EPHA6: variants seen among roughly 807,000 people sequenced by gnomAD.
EPHA6 encodes the protein ephrin type-A receptor 6.
In EPHA6, 50 loss-of-function variants were observed where a neutral mutation model predicts 112.0. That is an observed-to-expected ratio of 0.45 (90% CI 0.36 to 0.56). The LOEUF (loss-of-function observed/expected upper bound fraction) is 0.56, where lower values mean the gene tolerates loss of function less well. EPHA6 is among the 20% of genes least tolerant of loss of function. The pLI, the probability that EPHA6 is intolerant of heterozygous loss-of-function variation, is 0.00. For missense variants in EPHA6, 1,280 were observed against 1,417.4 expected, an observed-to-expected ratio of 0.90 and a Z score of 1.56; for synonymous variants, 529 against 490.7, an observed-to-expected ratio of 1.08 and a Z score of -1.03.
intron 10 of EPHA6, among the ~76,000 whole-genome samples, chr3:97,529,746 A>G (rs1238777415): frequency 2.0e-5 from 3 of 152,068 alleles, no homozygotes; most frequent in Non-Finnish European, 4.4e-5. Flanking sequence ...GAACACACTA[A>G]GAGTCTCAGA....
intron 5 of EPHA6, among the ~76,000 whole-genome samples, chr3:97,351,466 C>T (rs2083812199): frequency 6.6e-6 from 1 of 152,156 alleles, no homozygotes; most frequent in Non-Finnish European, 1.5e-5. Flanking sequence ...GGATATATTT[C>T]AACTTTTGTC....
chr3:97,704,755 ACT>A (rs750689209), intron 14 of EPHA6, among the ~76,000 whole-genome samples: 1 of 151,936 alleles, frequency 6.6e-6, no homozygotes. Context: ...ACTAACTTTG[ACT>A]CTCTATTTAG....
intron 3 of EPHA6, among the ~76,000 whole-genome samples, chr3:97,198,889 C>T (rs1343419899): frequency 2.0e-5 from 3 of 152,048 alleles, no homozygotes; most frequent in Admixed American, 1.3e-4. Flanking sequence ...TATATAATTG[C>T]CTTCCATGAT....
chr3:96,897,382 A>G (rs1166206262), intron 2 of EPHA6, among the ~76,000 whole-genome samples: 2 of 152,310 alleles, frequency 1.3e-5, no homozygotes, highest in African/African-American at 2.4e-5. Context: ...ACACCTGACC[A>G]TAGTGGATAA....
chr3:97,033,903 G>C (rs914120665), intron 3 of EPHA6, among the ~76,000 whole-genome samples: 2 of 151,846 alleles, frequency 1.3e-5, no homozygotes, highest in African/African-American at 4.8e-5. Context: ...ACATCAGGCC[G>C]TTGTGGTTTT....
chr3:97,315,206 T>C (rs1217219471), intron 5 of EPHA6, among the ~76,000 whole-genome samples: 8 of 151,662 alleles, frequency 5.3e-5, no homozygotes, highest in African/African-American at 1.9e-4. Context: ...TAGGTTGCCA[T>C]CTAAGAAACT....
intron 5 of EPHA6, among the ~76,000 whole-genome samples, chr3:97,354,402 C>G (rs1040629777): frequency 6.6e-6 from 1 of 151,956 alleles, no homozygotes; most frequent in East Asian, 1.9e-4. Context: ...AATTCAAAAT[C>G]CTGTGAGATG....
chr3:97,019,800 TA>T (rs1408927992), intron 3 of EPHA6, among the ~76,000 whole-genome samples: 7 of 152,166 alleles, frequency 4.6e-5, no homozygotes, highest in African/African-American at 1.4e-4. Flanking sequence ...ATTATGTATA[TA>T]TAAAACATAT....
At chr3:97,125,117 A>G (rs1255166815) in intron 3 of EPHA6, among the ~76,000 whole-genome samples, 3 of 152,188 alleles carry the variant, frequency 2.0e-5, no homozygotes, top group Non-Finnish European at 4.4e-5. Context: ...CCTTTGGGCT[A>G]TCAGATTTAA....
chr3:97,131,320 A>G (rs926776208), intron 3 of EPHA6, among the ~76,000 whole-genome samples: 8 of 152,230 alleles, frequency 5.3e-5, no homozygotes, highest in Non-Finnish European at 1.0e-4. Context: ...AGAGAGATAG[A>G]TACTTAATAC....
rs148601402 is a variant in EPHA6 at position 97,464,140 on chromosome 3, C to G, written c.1895-11212C>G. 2.0e-3 allele frequency among the ~76,000 whole-genome samples: 304 copies of G among 152,196 alleles called. 2 individuals are homozygous for G. Among genetic ancestry groups the G allele is most frequent in the Non-Finnish European group, 3.5e-3 (240 of 67,980 alleles). On this transcript the variant is annotated intron_variant, in intron 7 of 17. Coordinates refer to ENST00000389672, the MANE Select transcript of EPHA6 (RefSeq NM_001080448.3). ...CACATTTCCCTTAGTGTCAACCATG[C>G]ATGAAAATTGCCAAACTGATTGTGA...
chr3:97,366,169 T>G (rs1184090033), intron 5 of EPHA6, among the ~76,000 whole-genome samples: 1 of 152,228 alleles, frequency 6.6e-6, no homozygotes, highest in Non-Finnish European at 1.5e-5. Flanking sequence ...ACCTACACAT[T>G]GTGATTTATT....
intron 6 of EPHA6, among the ~76,000 whole-genome samples, chr3:97,424,490 C>T (rs1179433223): frequency 3.3e-5 from 5 of 152,076 alleles, no homozygotes; most frequent in African/African-American, 7.2e-5. Context: ...GTCCCTTCTG[C>T]CTATGAGCGT....
intron 3 of EPHA6, among the ~76,000 whole-genome samples, chr3:97,052,043 A>G (rs1266427243): frequency 6.6e-6 from 1 of 152,000 alleles, no homozygotes; most frequent in Non-Finnish European, 1.5e-5. Context: ...TCTTCATGAA[A>G]CTCCTTTGAT....
chr3:97,306,725 G>A lies in EPHA6; in HGVS notation c.1606+62438G>A, dbSNP rs528499962. On this transcript the variant is annotated intron_variant, in intron 5 of 17. Transcript: ENST00000389672. ...TATTACTATTAAAAATTCAAATATC[G>A]CATGCTAGGAATTGGTTTATAGGAC... is the stretch of plus-strand genomic sequence containing the variant. Among the ~76,000 whole-genome samples the A allele has an allele frequency of 9.9e-5, 15 of 151,624 alleles. No individual in the cohort carries two copies. The South Asian group carries it at 1.7e-3, about 17-fold the overall frequency.
chr3:97,330,183 GT>G (rs1312583307), intron 5 of EPHA6, among the ~76,000 whole-genome samples: 1 of 152,004 alleles, frequency 6.6e-6, no homozygotes. Flanking sequence ...CTATATCTCT[GT>G]TTTGGTACCA....
intron 13 of EPHA6, among the ~76,000 whole-genome samples, chr3:97,626,016 A>T (rs1180726845): frequency 6.6e-6 from 1 of 151,744 alleles, no homozygotes; most frequent in Admixed American, 6.6e-5. Context: ...TTTTATGGGA[A>T]TTTTGAGGAC....
chr3:97,389,534 A>G lies in EPHA6; in HGVS notation c.1607-15616A>G, dbSNP rs542681855. ...AATTTATCATAATTGTAAGAAAACA[A>G]ATATTTCTTGATTGCATAAACAAAC... On this transcript the variant is annotated intron_variant, in intron 5 of 17. Transcript: ENST00000389672. Among the ~76,000 whole-genome samples the G allele has an allele frequency of 3.3e-5, 5 of 152,272 alleles. No individual in the cohort carries two copies. The South Asian group carries it at 1.0e-3, about 32-fold the overall frequency.
chr3:97,130,217 G>T (rs1419495334), intron 3 of EPHA6, among the ~76,000 whole-genome samples: 3 of 151,848 alleles, frequency 2.0e-5, no homozygotes, highest in African/African-American at 7.3e-5. Flanking sequence ...TTATGCACAT[G>T]TCTACAGTAT....
Sources: allele counts gnomAD v4.1 joint callset (sites outside exome capture counted in the v4.1 genomes callset), GRCh38; gene constraint gnomAD v4.1.1; transcripts MANE v1.5; gene names NCBI Gene and HGNC (gene_info 2026-07-23, HGNC 2026-07-21).